The following TMEM132D variants were observed in gnomAD, a reference collection of about 807,000 sequenced individuals.
TMEM132D encodes the protein transmembrane protein 132D.
TMEM132D carries 21 observed loss-of-function variants against 62.3 expected under a neutral mutation model. That is an observed-to-expected ratio of 0.34 (90% CI 0.24 to 0.49). The LOEUF (loss-of-function observed/expected upper bound fraction) is 0.49. TMEM132D is among the 20% of genes least tolerant of loss of function. The probability of loss-of-function intolerance (pLI) is 0.99; values close to 1 mark genes in which losing one functional copy is unlikely to be tolerated. For missense variants in TMEM132D, 1,346 were observed against 1,402.8 expected (o/e 0.96, Z 0.65); for synonymous variants, 621 against 575.6 (o/e 1.08, Z -1.13).
At chr12:129,514,044 T>G (rs1875598819) in intron 3 of TMEM132D, among the ~76,000 whole-genome samples, 1 of 150,498 alleles carries the variant, frequency 6.6e-6, no homozygotes, top group Admixed American at 6.6e-5. Flanking sequence ...TTTCACTGTG[T>G]CAGCCAGGAT....
intron 1 of TMEM132D, among the ~76,000 whole-genome samples, chr12:129,835,618 G>A (rs191043631): frequency 1.3e-5 from 2 of 152,074 alleles, no homozygotes; most frequent in African/African-American, 4.8e-5. Flanking sequence ...AAAATCATGC[G>A]CAAAAAAGAC....
At chr12:129,307,186 T>C (rs1223379905) in intron 4 of TMEM132D, among the ~76,000 whole-genome samples, 1 of 152,120 alleles carries the variant, frequency 6.6e-6, no homozygotes, top group Non-Finnish European at 1.5e-5. Context: ...CATATGTTAA[T>C]GCAGAAGGAT....
At chr12:129,419,063 C>A (rs1036650705) in intron 3 of TMEM132D, among the ~76,000 whole-genome samples, 1 of 152,210 alleles carries the variant, frequency 6.6e-6, no homozygotes, top group African/African-American at 2.4e-5. Flanking sequence ...TTCTAGTTTT[C>A]AGAACAGTGA....
chr12:129,768,061 G>T (rs2084804), intron 1 of TMEM132D, among the ~76,000 whole-genome samples: 1 of 152,116 alleles, frequency 6.6e-6, no homozygotes, highest in African/African-American at 2.4e-5. Context: ...CCATGATTCA[G>T]TTACCTCCTA....
At chr12:129,628,936 C>G (rs1032010825) in intron 2 of TMEM132D, among the ~76,000 whole-genome samples, 1 of 150,454 alleles carries the variant, frequency 6.6e-6, no homozygotes, top group African/African-American at 2.4e-5. Context: ...CTTTCTCTCT[C>G]TCTCCTCTCT....
intron 5 of TMEM132D, among the ~76,000 whole-genome samples, chr12:129,198,977 ATATC>A (rs1878617735): frequency 6.6e-6 from 1 of 152,136 alleles, no homozygotes; most frequent in South Asian, 2.1e-4. Flanking sequence ...ACTGATAAAA[ATATC>A]TATTTCATGG....
At chr12:129,564,948 G>A (rs185836741) in intron 2 of TMEM132D, among the ~76,000 whole-genome samples, 1 of 152,278 alleles carries the variant, frequency 6.6e-6, no homozygotes, top group East Asian at 1.9e-4. Context: ...CCCTGAGAAA[G>A]GAAGGAGGAG....
At chr12:129,244,337 G>T (rs1880023117) in intron 4 of TMEM132D, among the ~76,000 whole-genome samples, 1 of 143,850 alleles carries the variant, frequency 7.0e-6, no homozygotes, top group African/African-American at 2.6e-5. Flanking sequence ...AGTGAGCCGA[G>T]ATCGCGCCAC....
intron 4 of TMEM132D, among the ~76,000 whole-genome samples, chr12:129,276,181 C>G (rs976585870): frequency 6.6e-6 from 1 of 152,150 alleles, no homozygotes; most frequent in Non-Finnish European, 1.5e-5. Context: ...TTTGCCCACT[C>G]GGGGAAAATG....
chr12:129,130,648 G>A (rs554682575), intron 5 of TMEM132D, among the ~76,000 whole-genome samples: 3 of 152,276 alleles, frequency 2.0e-5, no homozygotes, highest in South Asian at 2.1e-4. Flanking sequence ...AGAGCATAGC[G>A]TCAGGCAGTG....
chr12:129,442,294 T>C (rs1028416341), intron 3 of TMEM132D, among the ~76,000 whole-genome samples: 2 of 152,212 alleles, frequency 1.3e-5, no homozygotes, highest in African/African-American at 4.8e-5. Flanking sequence ...AAGGGATATG[T>C]GAGCACCGTG....
intron 5 of TMEM132D, among the ~76,000 whole-genome samples, chr12:129,157,449 C>G (rs1016313239): frequency 2.0e-5 from 3 of 152,242 alleles, no homozygotes; most frequent in South Asian, 4.1e-4. Context: ...TCTGTCCACT[C>G]TTTATGTTCA....
In TMEM132D at chr12:129,074,119, G is replaced by T. The variant is rs949845901; in HGVS notation, c.3056C>A (p.Pro1019His). The T allele has an allele frequency of 1.2e-5, 20 of 1,614,022 alleles. No homozygotes were observed. Among genetic ancestry groups the T allele is most frequent in the African/African-American group, 2.7e-5 (2 of 74,908 alleles). Residue 1019 changes from proline (P) to histidine (H), a missense_variant, in exon 9 of 9, where the codon CCT becomes CAT. Coordinates refer to ENST00000422113, the MANE Select transcript of TMEM132D (RefSeq NM_133448.3). ...QKSINGQLFKPLGPIIIDGKD... is the reference protein window; with the variant it reads ...QKSINGQLFKHLGPIIIDGKD... ...CCCATCAATGATGATGGGTCCCAAA[G>T]GTTTGAACAGCTGCCCATTGATGCT...
At chr12:129,541,117 G>A (rs978733336) in intron 2 of TMEM132D, among the ~76,000 whole-genome samples, 4 of 152,240 alleles carry the variant, frequency 2.6e-5, no homozygotes, top group African/African-American at 9.6e-5. Context: ...AGCAAAGCAA[G>A]AGGTCAGAGG....
Position 129,531,212 on chromosome 12 carries a change from G to A in TMEM132D, c.969-7C>T. 1 of 1,606,008 alleles carries A rather than the reference G, an allele frequency of 6.2e-7. No individual in the cohort carries two copies. The highest frequency in any genetic ancestry group is 8.5e-7 in the Non-Finnish European group (1 of 1,175,958). ...GCCTTTCTTCACCTTTGCCCTGTTGGAGACAGCACGTGTGGGTCTGAGTCA... is the reference window on the plus strand; with the variant it reads ...GCCTTTCTTCACCTTTGCCCTGTTGAAGACAGCACGTGTGGGTCTGAGTCA... On this transcript the variant is annotated splice_polypyrimidine_tract_variant and splice_region_variant and intron_variant, in intron 2 of 8. Transcript: ENST00000422113.
At chr12:129,379,951 C>A (rs554360061) in intron 3 of TMEM132D, among the ~76,000 whole-genome samples, 2 of 152,262 alleles carry the variant, frequency 1.3e-5, no homozygotes, top group Admixed American at 1.3e-4. Context: ...AAGCAATTAA[C>A]TTTGCTTTTT....
At position 129,119,681 on chromosome 12, in the gene TMEM132D, T is replaced by C. The variant is rs188674605; in HGVS notation, c.1444-34979A>G. 2.6e-5 allele frequency among the ~76,000 whole-genome samples: 4 copies of C among 152,286 alleles called. No individual in the cohort carries two copies. The East Asian group carries it at 7.7e-4, about 29-fold the overall frequency. ...ACAAGACTACACAGGGTTAGTGTAG[T>C]TTCTTCATCCAACAAATGTCTGATG... On this transcript the variant is annotated intron_variant, in intron 5 of 8. Transcript: ENST00000422113.
chr12:129,153,298 G>A (rs1055396284), intron 5 of TMEM132D, among the ~76,000 whole-genome samples: 2 of 152,190 alleles, frequency 1.3e-5, no homozygotes, highest in East Asian at 3.8e-4. Context: ...GTGGTTCTTC[G>A]GGGAGTTGCT....
intron 1 of TMEM132D, among the ~76,000 whole-genome samples, chr12:129,743,262 T>C (rs1045524844): frequency 6.6e-6 from 1 of 152,196 alleles, no homozygotes; most frequent in Non-Finnish European, 1.5e-5. Flanking sequence ...CTCCATCCAC[T>C]TTTCATCTTG....
Sources: allele counts gnomAD v4.1 joint callset (sites outside exome capture counted in the v4.1 genomes callset), GRCh38; gene constraint gnomAD v4.1.1; transcripts MANE v1.5; gene names NCBI Gene and HGNC (gene_info 2026-07-23, HGNC 2026-07-21).